Variants in CAMKK1 observed in about 807,000 individuals in gnomAD.
CAMKK1 encodes calcium/calmodulin-dependent protein kinase kinase 1.
In CAMKK1, 20 loss-of-function variants were observed where a neutral mutation model predicts 63.5. The observed-to-expected ratio is 0.32, with a 90% confidence interval of 0.22 to 0.46. The LOEUF is 0.46. Ranked by LOEUF, CAMKK1 falls within the 20% of genes least tolerant of loss-of-function variation. CAMKK1 has a pLI of 1.00. For synonymous variants in CAMKK1, 253 were observed against 269.0 expected (o/e 0.94, Z 0.58); for missense variants, 588 against 658.1 (o/e 0.89, Z 1.17).
chr17:3,885,108 G>C (rs1053798726), intron 2 of CAMKK1, among the ~76,000 whole-genome samples: 1 of 152,196 alleles, frequency 6.6e-6, no homozygotes, highest in Admixed American at 6.5e-5. Flanking sequence ...CTAGGCCTGG[G>C]CTGGGAGTGG....
At chr17:3,865,044 G>T in intron 15 of CAMKK1, 1 of 845,282 alleles carries the variant, frequency 1.2e-6, no homozygotes, top group Non-Finnish European at 1.4e-6. Flanking sequence ...CTTCCCCAAA[G>T]CTTCCCTCCG....
rs767187972 is a variant in CAMKK1, at chr17:3,887,442, A to ATG, written c.-43-1714_-43-1713dup. Among the ~76,000 whole-genome samples, 1 of 152,152 alleles carries ATG rather than the reference A, an allele frequency of 6.6e-6. No individual in the cohort carries two copies. The highest frequency in any genetic ancestry group is 1.5e-5 in the Non-Finnish European group (1 of 68,002). ...GACCCAGAGGAGTGAGAGGGAGTTA[A>ATG]TGAGGCTGGAACATCAAGGAGGCCT... is the stretch of plus-strand genomic sequence containing the variant. On this transcript the variant is annotated intron_variant, in intron 1 of 15. Transcript: ENST00000348335. The surrounding 1 kb of genome is among the most constrained non-coding windows in gnomAD (Gnocchi z 6.1).
intron 8 of CAMKK1, among the ~76,000 whole-genome samples, 180 bp from the exon 9 acceptor site, chr17:3,880,614 T>C (rs566663063): frequency 6.6e-6 from 1 of 152,362 alleles, no homozygotes; most frequent in South Asian, 2.1e-4. Flanking sequence ...CCCATTTCAA[T>C]CATAATTTCA....
chr17:3,877,215 G>A (rs1240505642), intron 9 of CAMKK1, among the ~76,000 whole-genome samples: 2 of 152,158 alleles, frequency 1.3e-5, no homozygotes, highest in Admixed American at 1.3e-4. Context: ...TAGGGACTCT[G>A]CTATCCTACA....
At chr17:3,863,199 T>C (rs1295765414) in intron 15 of CAMKK1, among the ~76,000 whole-genome samples, 1 of 152,054 alleles carries the variant, frequency 6.6e-6, no homozygotes, top group Non-Finnish European at 1.5e-5. Context: ...TATCCCAAAG[T>C]ATAAAAAACT....
At chr17:3,891,648 A>T (rs1281569205) in intron 1 of CAMKK1, among the ~76,000 whole-genome samples, 1 of 152,170 alleles carries the variant, frequency 6.6e-6, no homozygotes, top group Non-Finnish European at 1.5e-5. Flanking sequence ...TTACATCTGG[A>T]GAGAAAGCCC....
rs1397296662 is a variant in CAMKK1, at chr17:3,882,391, C to T, written c.685+137G>A. 2 of 1,600,298 alleles carry T rather than the reference C, an allele frequency of 1.2e-6. No homozygotes were observed. On this transcript the variant is annotated intron_variant, in intron 7 of 15. Transcript: ENST00000348335. This position sits in a 1 kb window ranked among gnomAD's most constrained non-coding sequence, Gnocchi z 4.3. ...CAGGGCTGGGCAAGGGAATCCAGGG[C>T]TTCAGAACGTGTGTTTTTCTTCTGT...
chr17:3,871,347 G>GTT lies in CAMKK1; in HGVS notation c.1124+1205_1124+1206dup, dbSNP rs869219931. Among the ~76,000 whole-genome samples, 236 of 104,302 alleles carry GTT rather than the reference G, an allele frequency of 2.3e-3. 2 individuals are homozygous for GTT. Among genetic ancestry groups the GTT allele is most frequent in the Non-Finnish European group, 3.0e-3 (160 of 52,786 alleles). The allele number at this position is 104,302 out of a possible 152,430, so 68.4% of individuals were successfully genotyped here. A position where few individuals can be genotyped will look rare whatever the true frequency, so the allele number is the denominator to read the frequency against. ...TGTTGTTTTTTGTTTTTTTTTTTTTGTTTTTTTTTTTTTTTTTTTTTTTTT... is the reference window on the plus strand; with the variant it reads ...TGTTGTTTTTTGTTTTTTTTTTTTTGTTTTTTTTTTTTTTTTTTTTTTTTTTT... On this transcript the variant is annotated intron_variant, in intron 12 of 15. Transcript: ENST00000348335.
rs568748777 is a variant in CAMKK1, at chr17:3,864,313, C to T, written c.1445+1595G>A. Among the ~76,000 whole-genome samples, 244 of 152,028 alleles carry T rather than the reference C, an allele frequency of 1.6e-3. 1 individual carries two copies. The highest frequency in any genetic ancestry group is 5.8e-3 in the African/African-American group (239 of 41,460). On this transcript the variant is annotated intron_variant, in intron 15 of 15. Transcript: ENST00000348335. ...CCAGGCTGGAGTGCAGTGGCGTGAC[C>T]TTGGCTCACTGCAAGCTCTGCCTCC...
At position 3,885,317 on chromosome 17, in the gene CAMKK1, GC is replaced by G; in HGVS notation, c.360+10del. 6.4e-7 allele frequency: 1 copy of G among 1,574,576 alleles called. No individual in the cohort carries two copies. ...GGGCTCATGAACAACCCCTCGTTCT[GC>G]CCCACCAACCTCTGCATCTGAGATG... is the stretch of plus-strand genomic sequence containing the variant. On this transcript the variant is annotated intron_variant, in intron 2 of 15. Transcript: ENST00000348335.
At chr17:3,874,474 C>T (rs1029429829) in intron 10 of CAMKK1, among the ~76,000 whole-genome samples, 4 of 152,108 alleles carry the variant, frequency 2.6e-5, no homozygotes, top group African/African-American at 4.8e-5. Flanking sequence ...TGGGTTCGAA[C>T]GATTCTTCTG....
chr17:3,891,247 C>A (rs991063450), intron 1 of CAMKK1, among the ~76,000 whole-genome samples: 1 of 152,120 alleles, frequency 6.6e-6, no homozygotes, highest in African/African-American at 2.4e-5. Flanking sequence ...ACCAAAAAGA[C>A]CAAGTCTCTG....
In CAMKK1 at chr17:3,889,960, G is replaced by C. The variant is rs2055826212; in HGVS notation, c.-44+2979C>G. Among the ~76,000 whole-genome samples the C allele has an allele frequency of 6.6e-6, 1 of 152,352 alleles. No homozygotes were observed. The highest frequency in any genetic ancestry group is 1.5e-5 in the Non-Finnish European group (1 of 68,026). On this transcript the variant is annotated intron_variant, in intron 1 of 15. Transcript: ENST00000348335. This position sits in a 1 kb window ranked among gnomAD's most constrained non-coding sequence, Gnocchi z 5.2. ...TGGTCAGGCCTCATTCTGAGCGCTG[G>C]AAGGCCGCTGTGAACCCCAGTGCCA...
At chr17:3,867,344 C>G (rs543298431) in intron 14 of CAMKK1, among the ~76,000 whole-genome samples, 2 of 152,100 alleles carry the variant, frequency 1.3e-5, no homozygotes, top group Non-Finnish European at 2.9e-5. Context: ...TGCATGATGG[C>G]GGGACGGTGC....
chr17:3,874,680 G>T (rs915594574), intron 10 of CAMKK1, among the ~76,000 whole-genome samples: 19 of 150,764 alleles, frequency 1.3e-4, no homozygotes, highest in Admixed American at 1.3e-3. Flanking sequence ...GCTAATTTTT[G>T]TATTTTTTAG....
At position 3,883,627 on chromosome 17, in the gene CAMKK1, T is replaced by TG; in HGVS notation, c.463-148dup. On this transcript the variant is annotated intron_variant, in intron 4 of 15. Transcript: ENST00000348335. This position sits in a 1 kb window ranked among gnomAD's most constrained non-coding sequence, Gnocchi z 4.7. Reference sequence around the variant, plus strand: ...GGCCCAGGTAAGTGTTAAGCGGGGTTGGGGGTGGCCATATCTGAGCCTAGC... The same window carrying TG: ...GGCCCAGGTAAGTGTTAAGCGGGGTTGGGGGGTGGCCATATCTGAGCCTAGC... 2 of 796,746 alleles carry TG rather than the reference T, an allele frequency of 2.5e-6. No individual in the cohort carries two copies. The allele number at this position is 796,746 out of a possible 1,614,324, so 49.4% of individuals were successfully genotyped here.
chr17:3,892,682 G>A lies in CAMKK1; in HGVS notation c.-44+257C>T, dbSNP rs1468018887. 3.9e-5 allele frequency among the ~76,000 whole-genome samples: 6 copies of A among 152,196 alleles called. No homozygotes were observed. The highest frequency in any genetic ancestry group is 1.2e-4 in the African/African-American group (5 of 41,456). On this transcript the variant is annotated intron_variant, in intron 1 of 15. Coordinates refer to ENST00000348335, the MANE Select transcript of CAMKK1 (RefSeq NM_032294.3). The surrounding 1 kb of genome is among the most constrained non-coding windows in gnomAD (Gnocchi z 7.5). ...GGATGCGGTCCGCAGACAGAAGCGG[G>A]GAAGAACGCAGACGGCGGGGCACCC...
chr17:3,873,791 G>A (rs1434624602), intron 10 of CAMKK1, among the ~76,000 whole-genome samples: 2 of 152,138 alleles, frequency 1.3e-5, no homozygotes, highest in Non-Finnish European at 2.9e-5. Context: ...CGCACCCCAG[G>A]AATGATGGTA....
chr17:3,873,350 G>T (rs1001814299), intron 11 of CAMKK1, 59 bp downstream of exon 11: 47 of 1,492,328 alleles, frequency 3.1e-5, no homozygotes, highest in Non-Finnish European at 4.2e-5. Context: ...GCCTGCATCC[G>T]TCGCCCGTGC....
Sources: allele counts gnomAD v4.1 joint callset (sites outside exome capture counted in the v4.1 genomes callset), GRCh38; gene constraint gnomAD v4.1.1; non-coding constraint Gnocchi (gnomAD v3.1); transcripts MANE v1.5; gene names NCBI Gene and HGNC (gene_info 2026-07-23, HGNC 2026-07-21).